PTPRQ: variants seen among roughly 807,000 people sequenced by gnomAD.
PTPRQ encodes protein tyrosine phosphatase receptor type Q.
Under a neutral mutation model 246.0 loss-of-function variants are expected in PTPRQ, and 199 were observed. The observed-to-expected ratio is 0.81, with a 90% CI of 0.72 to 0.91. The LOEUF is 0.91. PTPRQ is among the 40% of genes least tolerant of loss of function. The pLI, the probability that PTPRQ is intolerant of heterozygous loss-of-function variation, is 0.00. For synonymous variants in PTPRQ, 869 were observed against 853.2 expected (o/e 1.02, Z -0.32); for missense variants, 2,624 against 2,528.4 (o/e 1.04, Z -0.81).
At chr12:80,635,947 A>T (rs79494910) in intron 35 of PTPRQ, among the ~76,000 whole-genome samples, 15,066 of 152,222 alleles carry the variant, frequency 0.099, 817 homozygotes, top group Admixed American at 0.15. Flanking sequence ...GGACTCAAAA[A>T]GTTATTCATT....
At chr12:80,578,092 T>C (rs1023708782) in intron 25 of PTPRQ, among the ~76,000 whole-genome samples, 14 of 152,068 alleles carry the variant, frequency 9.2e-5, no homozygotes, top group African/African-American at 2.7e-4. Flanking sequence ...TATTATACTT[T>C]AAGTTTTAGG....
At chr12:80,640,674 T>C (rs1486988437) in intron 35 of PTPRQ, among the ~76,000 whole-genome samples, 3 of 152,218 alleles carry the variant, frequency 2.0e-5, no homozygotes, top group Admixed American at 2.0e-4. Flanking sequence ...TCTTGTCAGG[T>C]GGTGTGCTCT....
intron 3 of PTPRQ, among the ~76,000 whole-genome samples, chr12:80,449,129 T>G (rs1332533742): frequency 1.3e-5 from 2 of 151,424 alleles, no homozygotes; most frequent in Admixed American, 1.3e-4. Flanking sequence ...TGGCCAGTGA[T>G]ACTGAGCATT....
intron 17 of PTPRQ, among the ~76,000 whole-genome samples, chr12:80,514,556 T>A (rs556911186): frequency 0.013 from 1,804 of 143,802 alleles, 41 homozygotes; most frequent in African/African-American, 0.041. Flanking sequence ...TATATATATA[T>A]AAATATATAT....
intron 26 of PTPRQ, among the ~76,000 whole-genome samples, chr12:80,602,031 A>G (rs1160990902): frequency 6.6e-6 from 1 of 151,698 alleles, no homozygotes; most frequent in African/African-American, 2.4e-5. Context: ...CGAATCCTGG[A>G]GCATTCTTTC....
chr12:80,660,309 C>A (rs922013104), intron 39 of PTPRQ, among the ~76,000 whole-genome samples: 5 of 152,112 alleles, frequency 3.3e-5, no homozygotes, highest in Non-Finnish European at 7.4e-5. Context: ...TATGTTAAGA[C>A]TGGGACCCTC....
Position 80,678,973 on chromosome 12 carries a change from C to T in PTPRQ, c.6863-13C>T. Reference sequence around the variant, plus strand: ...TTCAACACTCTCTTGTAACATGTTACTTTCTGTTATAGGTGATGTTGAGCT... The same window carrying T: ...TTCAACACTCTCTTGTAACATGTTATTTTCTGTTATAGGTGATGTTGAGCT... On this transcript the variant is annotated splice_polypyrimidine_tract_variant and intron_variant, in intron 44 of 44. Coordinates refer to ENST00000644991, the MANE Select transcript of PTPRQ (RefSeq NM_001145026.2). 5 of 1,540,436 alleles carry T rather than the reference C, an allele frequency of 3.2e-6. No homozygotes were observed. The South Asian group carries it at 6.1e-5, about 19-fold the overall frequency.
intron 25 of PTPRQ, among the ~76,000 whole-genome samples, chr12:80,577,913 C>G (rs190818765): frequency 6.6e-6 from 1 of 152,228 alleles, no homozygotes; most frequent in Admixed American, 6.5e-5. Flanking sequence ...CAAAATTTCT[C>G]TGGATTAAGC....
At chr12:80,626,027 A>G (rs1899189403) in intron 33 of PTPRQ, among the ~76,000 whole-genome samples, 1 of 152,178 alleles carries the variant, frequency 6.6e-6, no homozygotes. Flanking sequence ...CTTAAACCCC[A>G]TGGCAAAGGC....
intron 17 of PTPRQ, among the ~76,000 whole-genome samples, chr12:80,512,410 G>T (rs1354277074): frequency 6.6e-6 from 1 of 151,958 alleles, no homozygotes; most frequent in African/African-American, 2.4e-5. Flanking sequence ...TCTCTCTCTG[G>T]GTATGAACTC....
intron 12 of PTPRQ, among the ~76,000 whole-genome samples, chr12:80,495,750 C>A (rs1565745124): frequency 6.6e-6 from 1 of 151,974 alleles, no homozygotes; most frequent in African/African-American, 2.4e-5. Context: ...CAACTATACA[C>A]CCTGCAGTGT....
At chr12:80,497,206 A>G (rs1894655768) in intron 14 of PTPRQ, among the ~76,000 whole-genome samples, 1 of 151,894 alleles carries the variant, frequency 6.6e-6, no homozygotes, top group Non-Finnish European at 1.5e-5. Flanking sequence ...TATACAACTC[A>G]CCATAATGCA....
At chr12:80,519,401 C>T (rs1895402329) in intron 17 of PTPRQ, among the ~76,000 whole-genome samples, 1 of 151,930 alleles carries the variant, frequency 6.6e-6, no homozygotes, top group South Asian at 2.1e-4. Flanking sequence ...AAGAATAGTG[C>T]TATTAACTTA....
At chr12:80,480,158 A>T (rs1344110367) in intron 8 of PTPRQ, among the ~76,000 whole-genome samples, 3 of 152,160 alleles carry the variant, frequency 2.0e-5, no homozygotes, top group African/African-American at 4.8e-5. Context: ...AAGAACAGAA[A>T]TTATAACAAA....
chr12:80,511,179 A>G (rs1245591027), intron 17 of PTPRQ, among the ~76,000 whole-genome samples: 1 of 152,160 alleles, frequency 6.6e-6, no homozygotes, highest in African/African-American at 2.4e-5. Flanking sequence ...AAGGGCCAGC[A>G]TTGAGGGAGA....
chr12:80,558,133 CTTTT>C (rs1896707052), intron 25 of PTPRQ, among the ~76,000 whole-genome samples: 1 of 106,268 alleles, frequency 9.4e-6, no homozygotes, highest in Non-Finnish European at 1.7e-5. Flanking sequence ...CTTTTCTTTT[CTTTT>C]CTTTTCTTTT....
At chr12:80,489,168 TC>T (rs1287504564) in intron 9 of PTPRQ, among the ~76,000 whole-genome samples, 1 of 152,044 alleles carries the variant, frequency 6.6e-6, no homozygotes, top group Non-Finnish European at 1.5e-5. Context: ...ACTACGGTGT[TC>T]TTTACTTTGA....
chr12:80,555,580 C>T (rs1412784679), intron 25 of PTPRQ, among the ~76,000 whole-genome samples: 1 of 151,588 alleles, frequency 6.6e-6, no homozygotes, highest in African/African-American at 2.4e-5. Context: ...AGGAAAGTTG[C>T]ATGATTCTGA....
chr12:80,610,910 A>C (rs980321575), intron 28 of PTPRQ, among the ~76,000 whole-genome samples: 2 of 150,450 alleles, frequency 1.3e-5, no homozygotes, highest in Non-Finnish European at 3.0e-5. Context: ...TGTTTCAGAA[A>C]TTAAGTAAGC....
Sources: allele counts gnomAD v4.1 joint callset (sites outside exome capture counted in the v4.1 genomes callset), GRCh38; gene constraint gnomAD v4.1.1; transcripts MANE v1.5; gene names NCBI Gene and HGNC (gene_info 2026-07-23, HGNC 2026-07-21).